The following ARHGEF28 variants were observed in gnomAD, a reference collection of about 807,000 sequenced individuals.
The protein encoded by ARHGEF28 is Rho guanine nucleotide exchange factor 28, also known as 190 kDa guanine nucleotide exchange factor.
A neutral mutation model predicts 206.6 loss-of-function variants in ARHGEF28; 152 were observed. The observed-to-expected ratio is 0.74, with a 90% CI of 0.64 to 0.84. ARHGEF28 has a LOEUF of 0.84. Ranked by LOEUF, ARHGEF28 falls within the 40% of genes least tolerant of loss-of-function variation. ARHGEF28 has a pLI of 0.00. For missense variants in ARHGEF28, 2,028 were observed against 2,073.2 expected (o/e 0.98, Z 0.42); for synonymous variants, 763 against 776.4 (o/e 0.98, Z 0.29).
At chr5:73,879,234 G>T (rs1451390034) in intron 22 of ARHGEF28, among the ~76,000 whole-genome samples, 1 of 152,110 alleles carries the variant, frequency 6.6e-6, no homozygotes, top group Non-Finnish European at 1.5e-5. Context: ...TGAGGCTTCT[G>T]CATTCTTCAT....
rs1748784364 is a variant in ARHGEF28, at chr5:73,704,142, C to A, written c.33+19258C>A. 3.3e-5 allele frequency among the ~76,000 whole-genome samples: 5 copies of A among 152,180 alleles called. No individual in the cohort carries two copies. The South Asian group carries it at 1.0e-3, about 32-fold the overall frequency. ...TGACTAAGACAAGTTGCTGGGAGGT[C>A]TATGCTTCTCCCCAGATAGACTAGT... On this transcript the variant is annotated intron_variant, in intron 2 of 35. Transcript: ENST00000513042.
chr5:73,733,613 C>G (rs1270409246), intron 2 of ARHGEF28, among the ~76,000 whole-genome samples: 1 of 152,044 alleles, frequency 6.6e-6, no homozygotes. Context: ...GTAACTAAAA[C>G]CCACCTGTAC....
At chr5:73,716,163 A>C (rs761858871) in intron 2 of ARHGEF28, among the ~76,000 whole-genome samples, 2 of 152,138 alleles carry the variant, frequency 1.3e-5, no homozygotes, top group Non-Finnish European at 2.9e-5. Flanking sequence ...ATGCACCGGC[A>C]CCTTTATTTC....
intron 4 of ARHGEF28, among the ~76,000 whole-genome samples, chr5:73,755,333 A>G (rs1371113856): frequency 6.6e-6 from 1 of 151,884 alleles, no homozygotes; most frequent in African/African-American, 2.4e-5. Context: ...GTGTGGATCC[A>G]TTTTGACAAA....
rs186342057 is a variant in ARHGEF28 at position 73,720,759 on chromosome 5, C to G, written c.34-29078C>G. On this transcript the variant is annotated intron_variant, in intron 2 of 35. Coordinates refer to ENST00000513042, the MANE Select transcript of ARHGEF28 (RefSeq NM_001177693.2). Reference sequence around the variant, plus strand: ...TTGTTCTTCCTGCTGACCGATTGCTCCTTACAAATGGCACATAAACATGTA... The same window carrying G: ...TTGTTCTTCCTGCTGACCGATTGCTGCTTACAAATGGCACATAAACATGTA... 4.5e-4 allele frequency among the ~76,000 whole-genome samples: 68 copies of G among 152,216 alleles called. 1 individual carries two copies. The highest frequency in any genetic ancestry group is 6.8e-3 in the Middle Eastern group (2 of 294).
chr5:73,898,349 C>T (rs547592273), intron 30 of ARHGEF28: 20 of 263,912 alleles, frequency 7.6e-5, no homozygotes, highest in Middle Eastern at 1.4e-3. Context: ...GGCCAAATAT[C>T]GGACCTTCCC....
At chr5:73,740,804 G>A (rs1751335919) in intron 2 of ARHGEF28, among the ~76,000 whole-genome samples, 1 of 152,140 alleles carries the variant, frequency 6.6e-6, no homozygotes, top group Non-Finnish European at 1.5e-5. Flanking sequence ...ATAAAGCAGA[G>A]CTGGACCATA....
At chr5:73,923,191 C>T in intron 35 of ARHGEF28, 2 of 1,528,562 alleles carry the variant, frequency 1.3e-6, no homozygotes, top group Non-Finnish European at 1.8e-6. Context: ...GGTGCTTAGC[C>T]TTCTTTTAGG....
intron 2 of ARHGEF28, among the ~76,000 whole-genome samples, chr5:73,691,955 C>A (rs1747860643): frequency 6.6e-6 from 1 of 152,178 alleles, no homozygotes; most frequent in Admixed American, 6.5e-5. Flanking sequence ...GAAGGGCATA[C>A]ATATTTTAAA....
chr5:73,654,854 G>A (rs1745081422), intron 1 of ARHGEF28, among the ~76,000 whole-genome samples: 1 of 152,176 alleles, frequency 6.6e-6, no homozygotes, highest in African/African-American at 2.4e-5. Context: ...GTCAAGGCAT[G>A]TGAAAACCTG....
At chr5:73,767,413 A>G (rs1752955764) in intron 4 of ARHGEF28, among the ~76,000 whole-genome samples, 1 of 152,198 alleles carries the variant, frequency 6.6e-6, no homozygotes, top group Admixed American at 6.5e-5. Flanking sequence ...GGCTTTGCCC[A>G]AAATGATTAT....
intron 23 of ARHGEF28, 48 bp from the exon 24 acceptor site, chr5:73,883,719 A>G: frequency 8.0e-7 from 1 of 1,252,152 alleles, no homozygotes; most frequent in Non-Finnish European, 1.1e-6. Flanking sequence ...ACACCTGAAA[A>G]GTAAATACAG....
chr5:73,731,011 T>TAAA (rs10699304), intron 2 of ARHGEF28, among the ~76,000 whole-genome samples: 22,121 of 142,198 alleles, frequency 0.16, 1,903 homozygotes, highest in Non-Finnish European at 0.19. Context: ...GCCTTTAAGC[T>TAAA]AAAAAAAAAA....
intron 35 of ARHGEF28, among the ~76,000 whole-genome samples, chr5:73,929,030 G>A (rs1176111117): frequency 6.6e-6 from 1 of 152,136 alleles, no homozygotes; most frequent in Non-Finnish European, 1.5e-5. Flanking sequence ...CCGCCTCCCA[G>A]GTTCATGCCA....
intron 33 of ARHGEF28, chr5:73,909,161 G>T (rs1762717485): frequency 2.5e-6 from 1 of 392,688 alleles, no homozygotes; most frequent in Admixed American, 4.0e-5. Context: ...CACAGGAGAG[G>T]ATGATATTGC....
intron 2 of ARHGEF28, among the ~76,000 whole-genome samples, chr5:73,686,376 C>T (rs1164560413): frequency 6.6e-6 from 1 of 151,586 alleles, no homozygotes; most frequent in African/African-American, 2.4e-5. Context: ...GCTGACCGAC[C>T]TCCTCATGTA....
chr5:73,707,254 G>A (rs1748993546), intron 2 of ARHGEF28, among the ~76,000 whole-genome samples: 1 of 152,222 alleles, frequency 6.6e-6, no homozygotes, highest in African/African-American at 2.4e-5. Context: ...TGTGACCAGA[G>A]CAGAGAGGCA....
At chr5:73,894,282 CTCTTGGAG>C in intron 28 of ARHGEF28, 103 bp from the exon 29 acceptor site, 1 of 1,137,512 alleles carries the variant, frequency 8.8e-7, no homozygotes, top group Non-Finnish European at 1.2e-6. Context: ...CCTGGGTTTT[CTCTTGGAG>C]GTCTTACTGC....
chr5:73,837,710 T>C (rs59380398), intron 10 of ARHGEF28, among the ~76,000 whole-genome samples: 11,323 of 150,876 alleles, frequency 0.075, 614 homozygotes, highest in South Asian at 0.14. Flanking sequence ...TTTCTTTCTT[T>C]CTTCCTTCCT....
Sources: allele counts gnomAD v4.1 joint callset (sites outside exome capture counted in the v4.1 genomes callset), GRCh38; gene constraint gnomAD v4.1.1; transcripts MANE v1.5; gene names NCBI Gene and HGNC (gene_info 2026-07-23, HGNC 2026-07-21).